The following GLRA1 variants were observed in gnomAD, a reference collection of about 807,000 sequenced individuals.
GLRA1 encodes glycine receptor alpha 1.
A neutral mutation model predicts 48.3 loss-of-function variants in GLRA1; 37 were observed. The ratio of observed to expected loss-of-function variants is 0.77; its 90% CI spans 0.59 to 1.01. The LOEUF is 1.01. Ranked by LOEUF, GLRA1 falls within the 50% of genes least tolerant of loss-of-function variation. The probability of loss-of-function intolerance (pLI) is 0.00; values close to 1 mark genes in which losing one functional copy is unlikely to be tolerated. For missense variants in GLRA1, 427 were observed against 571.0 expected (o/e 0.75, Z 2.57); for synonymous variants, 196 against 210.7 (o/e 0.93, Z 0.60).
intron 1 of GLRA1, among the ~76,000 whole-genome samples, chr5:151,898,942 G>A (rs1754294397): frequency 6.6e-6 from 1 of 152,120 alleles, no homozygotes; most frequent in Non-Finnish European, 1.5e-5. Context: ...AAATATAGGA[G>A]GAAGAGTGTT....
At chr5:151,824,394 G>A (rs1763221601) in intron 8 of GLRA1, among the ~76,000 whole-genome samples, 1 of 151,930 alleles carries the variant, frequency 6.6e-6, no homozygotes. Context: ...CCTTTTAATA[G>A]GCTGCCACTG....
chr5:151,846,199 A>G (rs1752669901), intron 7 of GLRA1, among the ~76,000 whole-genome samples: 1 of 152,226 alleles, frequency 6.6e-6, no homozygotes, highest in Non-Finnish European at 1.5e-5. Context: ...AAGGAACTAA[A>G]TCTAATGCTT....
rs928164578 is a variant in GLRA1 at position 151,827,296 on chromosome 5, A to T, written c.1059+1625T>A. Among the ~76,000 whole-genome samples the T allele has an allele frequency of 2.6e-5, 4 of 152,064 alleles. No individual in the cohort carries two copies. The East Asian group carries it at 7.7e-4, about 29-fold the overall frequency. On this transcript the variant is annotated intron_variant, in intron 8 of 8. Transcript: ENST00000274576. ...GAACCCAAGACAATTTCCTCCTTCA[A>T]TGTAGTTTAGAAGGATGGTGATATC...
chr5:151,898,772 G>A (rs111583137), intron 1 of GLRA1, among the ~76,000 whole-genome samples: 3 of 152,346 alleles, frequency 2.0e-5, no homozygotes, highest in African/African-American at 7.2e-5. Context: ...AAACGAAGGA[G>A]TTTGAGGCAC....
At chr5:151,839,350 A>AT (rs35103473) in intron 7 of GLRA1, among the ~76,000 whole-genome samples, 29,453 of 152,142 alleles carry the variant, frequency 0.19, 3,549 homozygotes, top group South Asian at 0.32. Flanking sequence ...ATTCAAGACA[A>AT]TATAAAAAAT....
At chr5:151,863,435 A>C (rs924988009) in intron 3 of GLRA1, among the ~76,000 whole-genome samples, 1 of 152,022 alleles carries the variant, frequency 6.6e-6, no homozygotes, top group East Asian at 1.9e-4. Flanking sequence ...ACAAATAAAC[A>C]AAACAAAAAG....
chr5:151,912,863 T>C (rs1754651909), intron 1 of GLRA1, among the ~76,000 whole-genome samples: 1 of 152,180 alleles, frequency 6.6e-6, no homozygotes, highest in Non-Finnish European at 1.5e-5. Flanking sequence ...ATCAAGAAAT[T>C]CATTAAGCTC....
At chr5:151,920,455 C>G (rs1350577998) in intron 1 of GLRA1, among the ~76,000 whole-genome samples, 1 of 152,128 alleles carries the variant, frequency 6.6e-6, no homozygotes, top group African/African-American at 2.4e-5. Flanking sequence ...CCTAAATATC[C>G]TCTGCTTAAG....
chr5:151,850,549 A>G, intron 7 of GLRA1: 1 of 1,144,462 alleles, frequency 8.7e-7, no homozygotes, highest in Non-Finnish European at 1.3e-6. Flanking sequence ...ATCCCAAGGG[A>G]GGCCTGGACA....
chr5:151,861,617 T>G (rs1423492414), intron 3 of GLRA1, among the ~76,000 whole-genome samples: 3 of 152,204 alleles, frequency 2.0e-5, no homozygotes, highest in Non-Finnish European at 4.4e-5. Context: ...CTTTGTAGAT[T>G]CTTGATATTA....
At chr5:151,851,786 T>A (rs1752920954) in intron 6 of GLRA1, among the ~76,000 whole-genome samples, 182 bp from the exon 7 acceptor site, 2 of 152,212 alleles carry the variant, frequency 1.3e-5, no homozygotes, top group Admixed American at 1.3e-4. Context: ...ATAACAATAA[T>A]ACCTCCATCA....
chr5:151,836,987 A>G (rs1479692413), intron 7 of GLRA1, among the ~76,000 whole-genome samples: 2 of 152,140 alleles, frequency 1.3e-5, no homozygotes, highest in African/African-American at 4.8e-5. Context: ...AACAACAACA[A>G]CAACAACAAA....
rs182185893 is a variant in GLRA1 at position 151,917,328 on chromosome 5, C to G, written c.56+7166G>C. ...CCTGGACACTGAAGTTTGAAAAGCA[C>G]TGATTTAAAGACTCTTGTTGACATT... On this transcript the variant is annotated intron_variant, in intron 1 of 8. Transcript: ENST00000274576. Among the ~76,000 whole-genome samples, 295 of 152,290 alleles carry G rather than the reference C, an allele frequency of 1.9e-3. 1 individual carries two copies. The highest frequency in any genetic ancestry group is 6.8e-3 in the African/African-American group (283 of 41,544).
intron 3 of GLRA1, among the ~76,000 whole-genome samples, chr5:151,863,466 C>T (rs1412708552): frequency 6.6e-6 from 1 of 151,996 alleles, no homozygotes; most frequent in Non-Finnish European, 1.5e-5. Flanking sequence ...AATTTTGTTA[C>T]AGAGACATTG....
intron 1 of GLRA1, among the ~76,000 whole-genome samples, chr5:151,903,173 G>A (rs1159612920): frequency 6.6e-6 from 1 of 152,180 alleles, no homozygotes; most frequent in Non-Finnish European, 1.5e-5. Context: ...GTGGAGCTGG[G>A]ATGTGTGTGG....
intron 2 of GLRA1, among the ~76,000 whole-genome samples, 177 bp downstream of exon 2, chr5:151,892,134 T>G (rs1754093147): frequency 6.6e-6 from 1 of 152,210 alleles, no homozygotes. Context: ...CCTCTGAGGC[T>G]TTGTCTGGGC....
chr5:151,830,985 A>C (rs1763406587), intron 7 of GLRA1, among the ~76,000 whole-genome samples: 1 of 152,222 alleles, frequency 6.6e-6, no homozygotes, highest in South Asian at 2.1e-4. Flanking sequence ...CAGTGGGTGC[A>C]GCCCACAGAA....
At chr5:151,873,249 G>A (rs1233230905) in intron 3 of GLRA1, among the ~76,000 whole-genome samples, 2 of 149,424 alleles carry the variant, frequency 1.3e-5, no homozygotes, top group East Asian at 3.9e-4. Flanking sequence ...GTTTTCCAAG[G>A]GCTTCCTGGG....
intron 7 of GLRA1, among the ~76,000 whole-genome samples, chr5:151,841,571 G>A (rs1332458492): frequency 6.6e-6 from 1 of 151,986 alleles, no homozygotes; most frequent in Admixed American, 6.6e-5. Flanking sequence ...TAGCAAAATT[G>A]AATAACTTCT....
Sources: allele counts gnomAD v4.1 joint callset (sites outside exome capture counted in the v4.1 genomes callset), GRCh38; gene constraint gnomAD v4.1.1; transcripts MANE v1.5; gene names NCBI Gene and HGNC (gene_info 2026-07-23, HGNC 2026-07-21).